Variants in PTPRT observed in about 807,000 individuals in gnomAD.
PTPRT encodes receptor-type tyrosine-protein phosphatase T.
A neutral mutation model predicts 176.8 loss-of-function variants in PTPRT; 56 were observed. That is an observed-to-expected ratio of 0.32 (90% CI 0.26 to 0.40). The LOEUF (loss-of-function observed/expected upper bound fraction) is 0.40, where lower values mean the gene tolerates loss of function less well. Ranked by LOEUF, PTPRT falls within the 10% of genes least tolerant of loss-of-function variation. PTPRT has a pLI of 1.00. For missense variants in PTPRT, 1,540 were observed against 1,908.2 expected (o/e 0.81, Z 3.60); for synonymous variants, 783 against 739.0 (o/e 1.06, Z -0.96).
rs1600637910 is a variant in PTPRT, at chr20:42,704,526, A to G, written c.860-26367T>C. Among the ~76,000 whole-genome samples, 4 of 151,968 alleles carry G rather than the reference A, an allele frequency of 2.6e-5. No individual in the cohort carries two copies. In the South Asian group the frequency reaches 8.3e-4, roughly 32 times the overall value. On this transcript the variant is annotated intron_variant, in intron 6 of 30. Coordinates refer to ENST00000373187, the MANE Select transcript of PTPRT (RefSeq NM_007050.6). ...AGTCCACCTCCATGTCATGCATGCCATCTTGTGCCATGGCAAACTAAATAC... is the reference window on the plus strand; with the variant it reads ...AGTCCACCTCCATGTCATGCATGCCGTCTTGTGCCATGGCAAACTAAATAC...
intron 1 of PTPRT, among the ~76,000 whole-genome samples, chr20:43,058,542 A>C (rs1161111121): frequency 6.6e-6 from 1 of 152,246 alleles, no homozygotes; most frequent in Non-Finnish European, 1.5e-5. Flanking sequence ...CCCACACCAT[A>C]GGCCCAGGCC....
rs138928347 is a variant in PTPRT at position 42,073,068 on chromosome 20, C to G, written c.*7811G>C. 8.2e-4 allele frequency: 177 copies of G among 216,182 alleles called. No homozygotes were observed. Among genetic ancestry groups the G allele is most frequent in the African/African-American group, 3.8e-3 (167 of 44,450 alleles). 13.4% of individuals were successfully genotyped at this position (216,182 alleles called of 1,614,324 possible). On this transcript the variant is annotated 3_prime_UTR_variant, in exon 31 of 31. Transcript: ENST00000373187. The stretch of plus-strand genomic sequence containing the variant: ...ATACGTGCTTTATCTATCAAACACC[C>G]AAACTGTACAAGTGCAGGCCATTGG...
intron 2 of PTPRT, among the ~76,000 whole-genome samples, chr20:42,867,683 C>CTTTTT (rs5841476): frequency 3.5e-5 from 4 of 113,402 alleles, no homozygotes; most frequent in African/African-American, 1.5e-4. Flanking sequence ...TACATATGGC[C>CTTTTT]TTTTTTTTTT....
intron 7 of PTPRT, among the ~76,000 whole-genome samples, chr20:42,670,633 G>A (rs772100351): frequency 4.6e-5 from 7 of 152,168 alleles, no homozygotes; most frequent in Non-Finnish European, 7.3e-5. Context: ...AATCAACAGC[G>A]TATGTGGTGT....
At chr20:42,282,220 A>T (rs1347417176) in intron 13 of PTPRT, among the ~76,000 whole-genome samples, 2 of 152,106 alleles carry the variant, frequency 1.3e-5, no homozygotes, top group Non-Finnish European at 2.9e-5. Flanking sequence ...CCATCACTCC[A>T]CTGATCAAAG....
intron 1 of PTPRT, among the ~76,000 whole-genome samples, chr20:43,140,245 C>T (rs2013959701): frequency 1.3e-5 from 2 of 152,062 alleles, no homozygotes; most frequent in Admixed American, 1.3e-4. Context: ...GCTTAGAGAA[C>T]TGGTGCTTTC....
intron 9 of PTPRT, among the ~76,000 whole-genome samples, chr20:42,390,176 T>A (rs545772523): frequency 3.3e-5 from 5 of 152,308 alleles, no homozygotes; most frequent in Admixed American, 6.5e-5. Flanking sequence ...TGAAACCCTG[T>A]CACTACAAAA....
intron 9 of PTPRT, among the ~76,000 whole-genome samples, chr20:42,444,487 A>G (rs535600666): frequency 6.6e-6 from 1 of 152,326 alleles, no homozygotes; most frequent in Non-Finnish European, 1.5e-5. Context: ...TTGTCTGAGG[A>G]TGGACTCAGA....
At chr20:42,698,091 T>C (rs1409410705) in intron 6 of PTPRT, among the ~76,000 whole-genome samples, 2 of 152,134 alleles carry the variant, frequency 1.3e-5, no homozygotes, top group East Asian at 1.9e-4. Context: ...CCCATGAACT[T>C]CCTCTCCTAC....
chr20:42,132,965 G>A (rs1393557179), intron 18 of PTPRT, among the ~76,000 whole-genome samples: 2 of 152,138 alleles, frequency 1.3e-5, no homozygotes, highest in South Asian at 2.1e-4. Context: ...TGGTGCAGAC[G>A]GTCCCTCACT....
chr20:42,877,676 C>G (rs1436903730), intron 2 of PTPRT, among the ~76,000 whole-genome samples: 2 of 152,142 alleles, frequency 1.3e-5, no homozygotes, highest in Non-Finnish European at 2.9e-5. Flanking sequence ...AATATAAATA[C>G]AATGTTGTTC....
chr20:43,176,313 A>G (rs1012918084), intron 1 of PTPRT, among the ~76,000 whole-genome samples: 1 of 152,138 alleles, frequency 6.6e-6, no homozygotes, highest in Non-Finnish European at 1.5e-5. Flanking sequence ...GTGCCACTGT[A>G]CTCTAGCCTG....
At position 42,464,898 on chromosome 20, in the gene PTPRT, T is replaced by C. The variant is rs551085854; in HGVS notation, c.1450+7368A>G. ...TACTGTGACCTGAGAAACCTGATCA[T>C]TGGCTCATTAGAAATGTACACTTAA... On this transcript the variant is annotated intron_variant, in intron 8 of 30. Coordinates refer to ENST00000373187, the MANE Select transcript of PTPRT (RefSeq NM_007050.6). Among the ~76,000 whole-genome samples the C allele has an allele frequency of 1.6e-4, 24 of 152,296 alleles. No individual in the cohort carries two copies. The South Asian group carries it at 2.9e-3, about 18-fold the overall frequency.
chr20:42,837,882 G>C (rs1353202270), intron 2 of PTPRT, among the ~76,000 whole-genome samples: 1 of 152,160 alleles, frequency 6.6e-6, no homozygotes, highest in African/African-American at 2.4e-5. Flanking sequence ...CTGAGGGAAA[G>C]AGGGGTCAAA....
intron 1 of PTPRT, among the ~76,000 whole-genome samples, chr20:43,079,762 C>T (rs2011388142): frequency 6.6e-6 from 1 of 152,016 alleles, no homozygotes; most frequent in Non-Finnish European, 1.5e-5. Context: ...AAGGGTTGGT[C>T]GGTTAATTAT....
intron 9 of PTPRT, among the ~76,000 whole-genome samples, chr20:42,422,800 C>G (rs1178982807): frequency 6.6e-6 from 1 of 152,082 alleles, no homozygotes; most frequent in Non-Finnish European, 1.5e-5. Context: ...AACCTAAATG[C>G]CCATCAATGA....
intron 1 of PTPRT, among the ~76,000 whole-genome samples, chr20:43,140,726 G>C (rs1229992045): frequency 6.6e-6 from 1 of 152,052 alleles, no homozygotes; most frequent in Non-Finnish European, 1.5e-5. Flanking sequence ...AGATTCACCA[G>C]GGCTTCTTAA....
chr20:42,285,759 C>T (rs548318491), intron 12 of PTPRT, among the ~76,000 whole-genome samples: 1 of 151,342 alleles, frequency 6.6e-6, no homozygotes, highest in South Asian at 2.1e-4. Flanking sequence ...TCTGTCTGCA[C>T]ATGACATGAT....
chr20:42,779,850 T>G (rs1312848099), intron 4 of PTPRT, among the ~76,000 whole-genome samples: 1 of 31,316 alleles, frequency 3.2e-5, no homozygotes, highest in Non-Finnish European at 2.0e-4. Flanking sequence ...TGGTGGTGTG[T>G]TTTTTTTTTT....
Sources: allele counts gnomAD v4.1 joint callset (sites outside exome capture counted in the v4.1 genomes callset), GRCh38; gene constraint gnomAD v4.1.1; transcripts MANE v1.5; gene names NCBI Gene and HGNC (gene_info 2026-07-23, HGNC 2026-07-21).